Variants in SNX8 observed in about 807,000 individuals in gnomAD.
SNX8 encodes sorting nexin 8, also known as sorting nexin-8.
A neutral mutation model predicts 51.6 loss-of-function variants in SNX8; 25 were observed. The ratio of observed to expected loss-of-function variants is 0.48; its 90% CI spans 0.35 to 0.68. The LOEUF is 0.68. Ranked by LOEUF, SNX8 falls within the 30% of genes least tolerant of loss-of-function variation. SNX8 has a pLI of 0.00. For missense variants in SNX8, 695 were observed against 624.0 expected (o/e 1.11, Z -1.21); for synonymous variants, 324 against 277.0 (o/e 1.17, Z -1.68).
At position 2,257,036 on chromosome 7, in the gene SNX8, C is replaced by G. The variant is rs773472042; in HGVS notation, c.1135-13G>C. The G allele has an allele frequency of 6.3e-7, 1 of 1,590,918 alleles. No individual in the cohort carries two copies. The highest frequency in any genetic ancestry group is 1.3e-5 in the African/African-American group (1 of 74,492). On this transcript the variant is annotated splice_polypyrimidine_tract_variant and intron_variant, in intron 9 of 10. Transcript: ENST00000222990. ...TCGCGTTCTCCTGCTGCGGAGCAAACAGCCGCCTTTCGCACCCGGCCCAGC... is the reference window on the plus strand; with the variant it reads ...TCGCGTTCTCCTGCTGCGGAGCAAAGAGCCGCCTTTCGCACCCGGCCCAGC...
At chr7:2,348,791 A>T (rs1009396898) in intron 1 of SNX8, among the ~76,000 whole-genome samples, 4 of 144,738 alleles carry the variant, frequency 2.8e-5, no homozygotes, top group Non-Finnish European at 6.1e-5. Context: ...ACTAAAAATT[A>T]AAAAAAAAAA....
intron 7 of SNX8, among the ~76,000 whole-genome samples, chr7:2,259,982 TAAA>T (rs1357222037): frequency 4.2e-5 from 6 of 143,420 alleles, no homozygotes; most frequent in African/African-American, 1.6e-4. Flanking sequence ...GCTGATGAAC[TAAA>T]AAAAACAAAA....
At chr7:2,270,912 G>A (rs1795628806) in intron 4 of SNX8, among the ~76,000 whole-genome samples, 1 of 152,160 alleles carries the variant, frequency 6.6e-6, no homozygotes, top group African/African-American at 2.4e-5. Flanking sequence ...CTCTATTCCA[G>A]TGGAGCCCCC....
At chr7:2,274,954 A>C in intron 3 of SNX8, 158 bp downstream of exon 3, 1 of 602,926 alleles carries the variant, frequency 1.7e-6, no homozygotes, top group Non-Finnish European at 3.0e-6. Context: ...GCTGGGCTCA[A>C]GCCACAGCTC....
chr7:2,284,681 G>T (rs1054943611), intron 1 of SNX8, among the ~76,000 whole-genome samples: 1 of 151,854 alleles, frequency 6.6e-6, no homozygotes, highest in African/African-American at 2.4e-5. Flanking sequence ...TGGGATTACA[G>T]GCGTGAGCCA....
intron 1 of SNX8, among the ~76,000 whole-genome samples, chr7:2,299,965 G>A (rs1415901226): frequency 6.6e-6 from 1 of 152,168 alleles, no homozygotes; most frequent in African/African-American, 2.4e-5. Flanking sequence ...CAGCAAGGAA[G>A]AAGGCGCACT....
At chr7:2,277,182 TC>T (rs1311533868) in intron 2 of SNX8, among the ~76,000 whole-genome samples, 1 of 152,018 alleles carries the variant, frequency 6.6e-6, no homozygotes, top group African/African-American at 2.4e-5. Context: ...CAATGAAAAC[TC>T]CCATCAGAAT....
chr7:2,309,558 C>A (rs1796618659), intron 1 of SNX8, among the ~76,000 whole-genome samples: 1 of 151,438 alleles, frequency 6.6e-6, no homozygotes, highest in Non-Finnish European at 1.5e-5. Context: ...ATGGAGAAAC[C>A]CCGTCTCTAC....
chr7:2,308,283 TA>T (rs1191530379), intron 1 of SNX8, among the ~76,000 whole-genome samples: 2 of 151,620 alleles, frequency 1.3e-5, no homozygotes, highest in African/African-American at 4.8e-5. Flanking sequence ...GAGCCAGAAT[TA>T]AAAAAAGAAA....
chr7:2,310,354 T>C (rs1226004396), intron 1 of SNX8, among the ~76,000 whole-genome samples: 1 of 152,176 alleles, frequency 6.6e-6, no homozygotes, highest in Non-Finnish European at 1.5e-5. Flanking sequence ...CCAGGCTCGG[T>C]GCCTCATGCC....
At chr7:2,338,397 G>T (rs967706180) in intron 1 of SNX8, among the ~76,000 whole-genome samples, 8 of 151,824 alleles carry the variant, frequency 5.3e-5, no homozygotes, top group Admixed American at 2.0e-4. Flanking sequence ...GGGAGGCAGA[G>T]GTTGCAGTGA....
intron 4 of SNX8, among the ~76,000 whole-genome samples, chr7:2,270,983 G>A (rs934721532): frequency 4.6e-5 from 7 of 152,208 alleles, no homozygotes; most frequent in Admixed American, 6.5e-5. Flanking sequence ...CACAGGACCC[G>A]CCTTCCCTGG....
intron 5 of SNX8, among the ~76,000 whole-genome samples, chr7:2,268,558 A>G (rs1413131466): frequency 2.6e-4 from 36 of 137,046 alleles, no homozygotes; most frequent in South Asian, 7.3e-4. Context: ...TGGGGGGGTC[A>G]GCCCCCCGCC....
At chr7:2,320,882 T>C (rs965769462) in intron 1 of SNX8, among the ~76,000 whole-genome samples, 5 of 152,002 alleles carry the variant, frequency 3.3e-5, no homozygotes, top group African/African-American at 1.2e-4. Flanking sequence ...TAGCCGGGCC[T>C]GGTGGTGGGT....
chr7:2,280,191 AAGC>A (rs1795878606), intron 1 of SNX8, among the ~76,000 whole-genome samples: 1 of 152,246 alleles, frequency 6.6e-6, no homozygotes. Flanking sequence ...ACCCTGCACA[AAGC>A]AGCAAAAGCA....
At chr7:2,309,729 C>G in intron 1 of SNX8, 1 of 456,504 alleles carries the variant, frequency 2.2e-6, no homozygotes. Context: ...GAGACTCCAT[C>G]TCAAAAAAAA....
At chr7:2,267,538 C>T (rs1386147541) in intron 5 of SNX8, among the ~76,000 whole-genome samples, 4 of 132,616 alleles carry the variant, frequency 3.0e-5, no homozygotes, top group Non-Finnish European at 4.9e-5. Context: ...GGTCTCCAGC[C>T]CCTAACCGCG....
intron 1 of SNX8, among the ~76,000 whole-genome samples, chr7:2,337,887 G>T (rs993467975): frequency 6.8e-6 from 1 of 147,452 alleles, no homozygotes; most frequent in African/African-American, 2.5e-5. Flanking sequence ...AAACCCTAGA[G>T]CAACCATTAT....
rs557406840 is a variant in SNX8 at position 2,354,029 on chromosome 7, G to A, written c.-66+193C>T. ...GCACCCGCGCAGAGCGAACCGCTCCGGTCCCTCCGGAGTCAGCCTCGAGCT... is the reference window on the plus strand; with the variant it reads ...GCACCCGCGCAGAGCGAACCGCTCCAGTCCCTCCGGAGTCAGCCTCGAGCT... On this transcript the variant is annotated intron_variant, in intron 1 of 5. Coordinates refer to the SNX8 transcript ENST00000435336. 9.6e-3 allele frequency: 1,468 copies of A among 152,488 alleles called. 21 individuals carry two copies. The highest frequency in any genetic ancestry group is 0.029 in the African/African-American group (1,196 of 41,576). 9.4% of individuals were successfully genotyped at this position (152,488 alleles called of 1,614,324 possible). A position where few individuals can be genotyped will look rare whatever the true frequency, so the allele number is the denominator to read the frequency against.
Sources: gnomAD v4.1 joint callset for allele counts (sites outside exome capture counted in the v4.1 genomes callset) on GRCh38, gnomAD v4.1.1 for gene constraint, MANE v1.5 for transcripts, NCBI Gene and HGNC (gene_info 2026-07-23, HGNC 2026-07-21) for gene names.